Variants in ECHDC2 observed in about 807,000 individuals in gnomAD.
The protein encoded by ECHDC2 is enoyl-CoA hydratase domain-containing protein 2, mitochondrial.
ECHDC2 carries 34 observed loss-of-function variants against 40.6 expected under a neutral mutation model. That is an observed-to-expected ratio of 0.84 (90% CI 0.64 to 1.11). The LOEUF (loss-of-function observed/expected upper bound fraction) is 1.11, where lower values mean the gene tolerates loss of function less well. Among genes scored for constraint, ECHDC2 ranks in the 50% most tolerant of loss-of-function variants. The pLI is 0.00. For missense variants in ECHDC2, 392 were observed against 400.7 expected (o/e 0.98, Z 0.19); for synonymous variants, 162 against 166.6 (o/e 0.97, Z 0.21).
At chr1:52,913,767 C>T (rs951050960) in intron 1 of ECHDC2, 59 of 233,980 alleles carry the variant, frequency 2.5e-4, no homozygotes, top group African/African-American at 1.3e-3. Context: ...GATGCACTGT[C>T]GCCACCCGGG....
intron 3 of ECHDC2, among the ~76,000 whole-genome samples, chr1:52,908,733 A>C (rs980930795): frequency 1.2e-4 from 19 of 152,186 alleles, no homozygotes; most frequent in Middle Eastern, 3.4e-3. Context: ...CACGAGTTCA[A>C]GACCAGCCTG....
At chr1:52,897,888 C>T (rs898135528) in intron 8 of ECHDC2, 11 of 278,836 alleles carry the variant, frequency 3.9e-5, no homozygotes, top group Non-Finnish European at 6.3e-5. Flanking sequence ...CCCTATTCTA[C>T]AGCTGAGAAA....
chr1:52,908,456 G>A (rs1316863678), intron 3 of ECHDC2, among the ~76,000 whole-genome samples: 1 of 152,086 alleles, frequency 6.6e-6, no homozygotes, highest in South Asian at 2.1e-4. Context: ...AGCTGAGATC[G>A]CACCAACTGC....
At chr1:52,906,361 G>T (rs1647811297) in intron 5 of ECHDC2, 158 bp downstream of exon 5, 4 of 717,188 alleles carry the variant, frequency 5.6e-6, no homozygotes, top group Non-Finnish European at 7.7e-6. Flanking sequence ...AGGGGAAGCA[G>T]CTTCTGCCTG....
intron 7 of ECHDC2, among the ~76,000 whole-genome samples, chr1:52,903,061 G>GC (rs1647089571): frequency 6.6e-6 from 1 of 151,966 alleles, no homozygotes; most frequent in African/African-American, 2.4e-5. Context: ...TGTATCCTGG[G>GC]CCCCCTGAGA....
intron 1 of ECHDC2, chr1:52,913,820 CTG>C (rs1650098849): frequency 2.9e-6 from 2 of 684,748 alleles, no homozygotes; most frequent in South Asian, 3.4e-5. Context: ...GGTGTACACT[CTG>C]TGGGTTTACA....
rs1481916511 is a variant in ECHDC2 at position 52,896,499 on chromosome 1, T to A, written c.*21A>T. Reference sequence around the variant, plus strand: ...TGCTCTTCAGGGCATGCATCTCCCATGCTGAAGGTTAAAATGGGGGTCATT... The same window carrying A: ...TGCTCTTCAGGGCATGCATCTCCCAAGCTGAAGGTTAAAATGGGGGTCATT... On this transcript the variant is annotated 3_prime_UTR_variant, in exon 10 of 10. Transcript: ENST00000371522. The A allele has an allele frequency of 6.2e-7, 1 of 1,603,690 alleles. No individual in the cohort carries two copies.
chr1:52,909,140 G>T (rs1158325639), intron 3 of ECHDC2, among the ~76,000 whole-genome samples: 2 of 152,088 alleles, frequency 1.3e-5, no homozygotes, highest in Non-Finnish European at 2.9e-5. Flanking sequence ...TGGATGTGGA[G>T]ACATGGAACC....
chr1:52,912,397 G>A (rs566747225), intron 1 of ECHDC2, among the ~76,000 whole-genome samples: 1 of 151,998 alleles, frequency 6.6e-6, no homozygotes, highest in African/African-American at 2.4e-5. Flanking sequence ...TTGTAGGAAC[G>A]AGGTTTTGCC....
chr1:52,921,498 T>A, intron 1 of ECHDC2, 55 bp downstream of exon 1: 2 of 1,559,716 alleles, frequency 1.3e-6, no homozygotes, highest in Non-Finnish European at 1.7e-6. Flanking sequence ...GGTCCCCCGC[T>A]GCCTCCGGCC....
intron 7 of ECHDC2, among the ~76,000 whole-genome samples, chr1:52,903,176 A>G (rs1647097298): frequency 1.3e-5 from 2 of 152,010 alleles, no homozygotes. Context: ...GTAGGGTTGT[A>G]CCTGGGCAGG....
In ECHDC2 at chr1:52,905,131, G is replaced by A. The variant is rs1352447052; in HGVS notation, c.458-41C>T. 6 of 1,607,742 alleles carry A rather than the reference G, an allele frequency of 3.7e-6. No homozygotes were observed. The Admixed American group carries it at 5.0e-5, about 13-fold the overall frequency. ...AAAGTGAGGCCTCCCTCCCCCATCCGGTCCCCCAGTGCTAATCCCGGGGGC... is the reference window on the plus strand; with the variant it reads ...AAAGTGAGGCCTCCCTCCCCCATCCAGTCCCCCAGTGCTAATCCCGGGGGC... On this transcript the variant is annotated intron_variant, in intron 5 of 9. Transcript: ENST00000371522.
At chr1:52,910,368 T>TG in intron 3 of ECHDC2, among the ~76,000 whole-genome samples, 1 of 112,194 alleles carries the variant, frequency 8.9e-6, no homozygotes, top group Non-Finnish European at 1.8e-5. Context: ...TTTTTTTTTT[T>TG]TTTTTTTTTT....
intron 3 of ECHDC2, among the ~76,000 whole-genome samples, chr1:52,910,314 C>T (rs1314417): frequency 0.025 from 3,218 of 129,574 alleles, 124 homozygotes; most frequent in African/African-American, 0.087. Flanking sequence ...ATGGTTAAAA[C>T]GGTAAATTTT....
chr1:52,921,460 C>A, intron 1 of ECHDC2, 93 bp downstream of exon 1: 1 of 1,476,956 alleles, frequency 6.8e-7, no homozygotes, highest in South Asian at 1.4e-5. Context: ...GGATCGAATC[C>A]TTCAACGCAC....
intron 5 of ECHDC2, chr1:52,905,650 C>G (rs894859962): frequency 6.3e-6 from 1 of 158,442 alleles, no homozygotes; most frequent in Non-Finnish European, 1.4e-5. Context: ...CGCACCCCCC[C>G]GGGTCTGTCT....
In ECHDC2 at chr1:52,921,588, T is replaced by G; in HGVS notation, c.86A>C (p.Glu29Ala). The part of the protein sequence containing the change: ...CASDGAAGGS[E>A]IQVRALAGPD... ...ACCCGCCAGGGCGCGCACTTGGATCTCTGAGCCCCCGGCCGCCCCGTCGGA... is the reference window on the plus strand; with the variant it reads ...ACCCGCCAGGGCGCGCACTTGGATCGCTGAGCCCCCGGCCGCCCCGTCGGA... Residue 29 changes from glutamate (E) to alanine (A), a missense_variant, in exon 1 of 10, where the codon GAG becomes GCG. Transcript: ENST00000371522. The G allele has an allele frequency of 3.1e-6, 5 of 1,608,482 alleles. No individual in the cohort carries two copies. The highest frequency in any genetic ancestry group is 4.2e-6 in the Non-Finnish European group (5 of 1,178,094).
At chr1:52,909,387 A>G (rs1446682825) in intron 3 of ECHDC2, among the ~76,000 whole-genome samples, 2 of 152,194 alleles carry the variant, frequency 1.3e-5, no homozygotes, top group Non-Finnish European at 2.9e-5. Flanking sequence ...AGTATTTGCA[A>G]TATGACCTAT....
intron 1 of ECHDC2, chr1:52,915,051 AC>A (rs1239078476): frequency 8.4e-6 from 3 of 357,010 alleles, no homozygotes; most frequent in Non-Finnish European, 1.7e-5. Flanking sequence ...TGACTCTTGC[AC>A]CCACTCTGGC....
Sources: gnomAD v4.1 joint callset for allele counts (sites outside exome capture counted in the v4.1 genomes callset) on GRCh38, gnomAD v4.1.1 for gene constraint, MANE v1.5 for transcripts, NCBI Gene and HGNC (gene_info 2026-07-23, HGNC 2026-07-21) for gene names.